ITPR2: variants seen among roughly 807,000 people sequenced by gnomAD.
The protein encoded by ITPR2 is inositol 1,4,5-trisphosphate-gated calcium channel ITPR2.
In ITPR2, 207 loss-of-function variants were observed where a neutral mutation model predicts 317.1. The ratio of observed to expected loss-of-function variants is 0.65; its 90% CI spans 0.58 to 0.73. ITPR2 has a LOEUF of 0.73. Ranked by LOEUF, ITPR2 falls within the 30% of genes least tolerant of loss-of-function variation. The pLI is 0.00. For missense variants in ITPR2, 2,613 were observed against 3,284.0 expected (o/e 0.80, Z 4.99); for synonymous variants, 1,156 against 1,149.1 (o/e 1.01, Z -0.12).
intron 26 of ITPR2, among the ~76,000 whole-genome samples, chr12:26,616,982 C>T (rs1446636624): frequency 6.6e-6 from 1 of 152,152 alleles, no homozygotes; most frequent in Non-Finnish European, 1.5e-5. Flanking sequence ...AAATACACTA[C>T]ATAATTCACA....
At chr12:26,813,571 A>T (rs1367611304) in intron 1 of ITPR2, among the ~76,000 whole-genome samples, 2 of 152,312 alleles carry the variant, frequency 1.3e-5, no homozygotes, top group Non-Finnish European at 2.9e-5. Context: ...CTGAGGTATA[A>T]TTTAGCCACA....
intron 37 of ITPR2, among the ~76,000 whole-genome samples, chr12:26,525,389 C>T (rs776437176): frequency 2.0e-5 from 3 of 152,128 alleles, no homozygotes; most frequent in Non-Finnish European, 4.4e-5. Context: ...ATTTCAAAAG[C>T]GCTCACCTAG....
At chr12:26,613,103 C>A (rs534412385) in intron 26 of ITPR2, among the ~76,000 whole-genome samples, 2 of 152,284 alleles carry the variant, frequency 1.3e-5, no homozygotes, top group South Asian at 4.1e-4. Context: ...GTCCAGATAT[C>A]TAACTTTAAG....
chr12:26,425,108 AT>A (rs1197144220), intron 49 of ITPR2, among the ~76,000 whole-genome samples: 2 of 150,850 alleles, frequency 1.3e-5, no homozygotes, highest in African/African-American at 4.9e-5. Flanking sequence ...TCGCTAAAAT[AT>A]TTTTTTTTAT....
At chr12:26,392,470 A>T (rs1175442978) in intron 54 of ITPR2, among the ~76,000 whole-genome samples, 1 of 151,996 alleles carries the variant, frequency 6.6e-6, no homozygotes, top group African/African-American at 2.4e-5. Context: ...CAGCTGTTTG[A>T]TCTTCTGGGC....
chr12:26,795,824 A>T (rs1462985142), intron 1 of ITPR2, among the ~76,000 whole-genome samples: 2 of 152,162 alleles, frequency 1.3e-5, no homozygotes, highest in African/African-American at 4.8e-5. Flanking sequence ...TCGCTACAAA[A>T]AAATACAAAA....
chr12:26,723,970 C>A (rs186868961), intron 4 of ITPR2, among the ~76,000 whole-genome samples: 1 of 152,254 alleles, frequency 6.6e-6, no homozygotes, highest in African/African-American at 2.4e-5. Flanking sequence ...TCAAAATTTA[C>A]CAGACTTTAC....
At chr12:26,782,455 ATAGT>A (rs1029474416) in intron 2 of ITPR2, among the ~76,000 whole-genome samples, 16 of 152,316 alleles carry the variant, frequency 1.1e-4, no homozygotes, top group Admixed American at 2.6e-4. Context: ...TTCTAAACAA[ATAGT>A]TAAAGGGCTA....
chr12:26,760,932 C>T (rs1271044954), intron 2 of ITPR2, among the ~76,000 whole-genome samples: 1 of 152,288 alleles, frequency 6.6e-6, no homozygotes, highest in Non-Finnish European at 1.5e-5. Flanking sequence ...CCTCCATGGT[C>T]CCAGGCACCA....
intron 45 of ITPR2, among the ~76,000 whole-genome samples, chr12:26,468,568 G>GAAAA (rs5797177): frequency 7.1e-6 from 1 of 139,890 alleles, no homozygotes; most frequent in Non-Finnish European, 1.5e-5. Context: ...TATAGAAACA[G>GAAAA]AAAAAAAAAA....
At position 26,656,479 on chromosome 12, in the gene ITPR2, T is replaced by G. The variant is rs2230378; in HGVS notation, c.2262A>C (p.Thr754=). The G allele has an allele frequency of 0.084, 135,493 of 1,614,160 alleles. 6,520 individuals are homozygous for G. The highest frequency in any genetic ancestry group is 0.098 in the Non-Finnish European group (115,816 of 1,180,010). ...GCAGGATCAGGTCTACAGACAGCTG[T>G]GTAGAAATCTGGTTTATGGCCAGAT... is the stretch of plus-strand genomic sequence containing the variant. ...RQYLAINQIS[T]QLSVDLILRC... is the part of the protein sequence containing the mutation. Residue 754 remains threonine, a synonymous_variant, in exon 19 of 57, where the codon ACA becomes ACC. Coordinates refer to ENST00000381340, the MANE Select transcript of ITPR2 (RefSeq NM_002223.4).
At position 26,486,423 on chromosome 12, in the gene ITPR2, A is replaced by C. The variant is rs551265572; in HGVS notation, c.5555-63T>G. The C allele has an allele frequency of 1.1e-4, 148 of 1,357,526 alleles. 1 individual carries two copies. In the East Asian group the frequency reaches 1.3e-3, roughly 12 times the overall value. 84.1% of individuals were successfully genotyped at this position (1,357,526 alleles called of 1,614,324 possible). Reference sequence around the variant, plus strand: ...TTTGCTTTTACTAATTAAAAAAAAAAAAACAAACCAGGTACCCAAATTCTC... The same window carrying C: ...TTTGCTTTTACTAATTAAAAAAAAACAAACAAACCAGGTACCCAAATTCTC... On this transcript the variant is annotated intron_variant, in intron 40 of 56. Transcript: ENST00000381340.
intron 37 of ITPR2, among the ~76,000 whole-genome samples, chr12:26,497,303 G>A (rs973740161): frequency 1.3e-4 from 20 of 151,482 alleles, no homozygotes; most frequent in African/African-American, 3.2e-4. Context: ...ACAGGTGCCC[G>A]CCACCACACC....
intron 39 of ITPR2, among the ~76,000 whole-genome samples, chr12:26,491,937 A>T (rs537986136): frequency 1.3e-5 from 2 of 152,358 alleles, no homozygotes; most frequent in African/African-American, 4.8e-5. Flanking sequence ...CTGGATACAT[A>T]GTCTAGAACG....
Position 26,483,942 on chromosome 12 carries a change from C to T in ITPR2, c.5812-44G>A, listed in dbSNP as rs374277739. On this transcript the variant is annotated intron_variant, in intron 41 of 56. Coordinates refer to ENST00000381340, the MANE Select transcript of ITPR2 (RefSeq NM_002223.4). ...AAAATTGAAGGGTTACAAAAATTCA[C>T]TGTGCTGATTGTTTGCTGTTCTTCC... 25 of 1,515,490 alleles carry T rather than the reference C, an allele frequency of 1.6e-5. No homozygotes were observed. The African/African-American group carries it at 3.3e-4, about 20-fold the overall frequency. 93.9% of individuals were successfully genotyped at this position (1,515,490 alleles called of 1,614,324 possible).
chr12:26,617,662 G>GGAGGGAAGGAAGGAGGGAAGGAA (rs1946400035), intron 26 of ITPR2, among the ~76,000 whole-genome samples: 1 of 122,288 alleles, frequency 8.2e-6, no homozygotes, highest in African/African-American at 3.0e-5. Flanking sequence ...GAGGGACGGA[G>GGAGGGAAGGAAGGAGGGAAGGAA]GGAGGGAAGG....
intron 55 of ITPR2, among the ~76,000 whole-genome samples, chr12:26,367,022 T>C (rs980654736): frequency 9.2e-5 from 14 of 152,306 alleles, no homozygotes; most frequent in African/African-American, 3.4e-4. Flanking sequence ...ATACTTTATC[T>C]ATGTAATACC....
At chr12:26,760,062 C>T (rs1447882849) in intron 2 of ITPR2, among the ~76,000 whole-genome samples, 2 of 152,280 alleles carry the variant, frequency 1.3e-5, no homozygotes, top group African/African-American at 2.4e-5. Flanking sequence ...TTCTTCTGTA[C>T]ACTTTAAACC....
chr12:26,450,145 G>C (rs6487553), intron 45 of ITPR2, among the ~76,000 whole-genome samples: 133,474 of 152,228 alleles, frequency 0.88, 58,594 homozygotes, highest in Non-Finnish European at 0.9. Context: ...GATCCTCCTC[G>C]AGGGCCTTCA....
Sources: allele counts gnomAD v4.1 joint callset (sites outside exome capture counted in the v4.1 genomes callset), GRCh38; gene constraint gnomAD v4.1.1; transcripts MANE v1.5; gene names NCBI Gene and HGNC (gene_info 2026-07-23, HGNC 2026-07-21).